The following FNIP2 variants were observed in gnomAD, a reference collection of about 807,000 sequenced individuals.
FNIP2 encodes folliculin interacting protein 2.
In FNIP2, 32 loss-of-function variants were observed where a neutral mutation model predicts 108.7. The ratio of observed to expected loss-of-function variants is 0.29; its 90% CI spans 0.22 to 0.40. The LOEUF is 0.40. FNIP2 is among the 10% of genes least tolerant of loss of function. FNIP2 has a pLI of 1.00. For synonymous variants in FNIP2, 480 were observed against 496.7 expected, an observed-to-expected ratio of 0.97 and a Z score of 0.45; for missense variants, 1,202 against 1,381.6, an observed-to-expected ratio of 0.87 and a Z score of 2.06.
chr4:158,853,942 C>A (rs546283615), intron 8 of FNIP2, among the ~76,000 whole-genome samples: 9 of 152,200 alleles, frequency 5.9e-5, no homozygotes, highest in Middle Eastern at 3.4e-3. Context: ...ATCACTGTGT[C>A]CTCAATTACA....
At chr4:158,887,803 A>G (rs1189486972) in intron 14 of FNIP2, among the ~76,000 whole-genome samples, 1 of 151,306 alleles carries the variant, frequency 6.6e-6, no homozygotes, top group Admixed American at 6.6e-5. Flanking sequence ...GTGTGCAGGT[A>G]TGTATTTCTG....
At chr4:158,865,739 A>G (rs1780540706) in intron 12 of FNIP2, among the ~76,000 whole-genome samples, 1 of 152,216 alleles carries the variant, frequency 6.6e-6, no homozygotes, top group Non-Finnish European at 1.5e-5. Context: ...CAAAGTGTTA[A>G]CAGTAATGAG....
chr4:158,769,289 G>A lies in FNIP2; in HGVS notation c.77G>A (p.Gly26Asp). ...AGCTCCGCGGCGGCGTCTGCCCAGGGCAGGGCTCCTAAGGAAGGACCCGCC... is the reference window on the plus strand; with the variant it reads ...AGCTCCGCGGCGGCGTCTGCCCAGGACAGGGCTCCTAAGGAAGGACCCGCC... ...SGSSAAASAQ[G>D]RAPKEGPAFS... The change falls in exon 1 of 17, where the codon GGC (glycine) becomes GAC (aspartate). Residue 26 changes from glycine to aspartate, a missense_variant. Gly to Asp is a moderately conservative substitution (Grantham distance 94). This residue lies in a region of FNIP2 where 173 missense variants were observed against 165.9 expected (regional missense o/e 1.04). Coordinates refer to ENST00000264433, the MANE Select transcript of FNIP2 (RefSeq NM_020840.3). 6.5e-7 allele frequency: 1 copy of A among 1,536,356 alleles called. No individual in the cohort carries two copies. The highest frequency in any genetic ancestry group is 8.7e-7 in the Non-Finnish European group (1 of 1,144,274).
chr4:158,870,414 G>A lies in FNIP2; in HGVS notation c.2894G>A (p.Gly965Asp), dbSNP rs769325638. Residue 965 changes from glycine to aspartate, a missense_variant, in exon 14 of 17, where the codon GGC (glycine) becomes GAC (aspartate). By Grantham distance (94) the Gly-to-Asp change is moderately conservative. Around this residue, in one of 5 missense-constraint regions of FNIP2, gnomAD observed 142 missense variants for 183.8 expected, o/e 0.77. Coordinates refer to ENST00000264433, the MANE Select transcript of FNIP2 (RefSeq NM_020840.3). Reference sequence around the variant, plus strand: ...CCTGATCTTGTGCTTCATGGGACCGGCAGTGATGAGAAGCTGAAGCAGTGC... The same window carrying A: ...CCTGATCTTGTGCTTCATGGGACCGACAGTGATGAGAAGCTGAAGCAGTGC... ...YMPDLVLHGT[G>D]SDEKLKQCLV... 5 of 1,614,006 alleles carry A rather than the reference G, an allele frequency of 3.1e-6. No homozygotes were observed. The South Asian group carries it at 4.4e-5, about 14-fold the overall frequency.
Position 158,800,712 on chromosome 4 carries a change from TGTTTTA to T in FNIP2, c.108-25197_108-25192del, listed in dbSNP as rs1168391133. 3.3e-5 allele frequency among the ~76,000 whole-genome samples: 5 copies of T among 152,352 alleles called. No homozygotes were observed. In the South Asian group the frequency reaches 8.3e-4, roughly 25 times the overall value. On this transcript the variant is annotated intron_variant, in intron 1 of 16. Transcript: ENST00000264433. The stretch of plus-strand genomic sequence containing the variant: ...TTGTTTTTCTATGCTTTCTTTTTTC[TGTTTTA>T]GTTTTATAAAACTTTTTCTACATTT...
chr4:158,805,795 T>G (rs986868019), intron 1 of FNIP2, among the ~76,000 whole-genome samples: 3 of 152,238 alleles, frequency 2.0e-5, no homozygotes, highest in African/African-American at 7.2e-5. Context: ...GAACAGGTCT[T>G]GTGACCAATT....
At chr4:158,784,702 A>C (rs944014555) in intron 1 of FNIP2, among the ~76,000 whole-genome samples, 12 of 152,078 alleles carry the variant, frequency 7.9e-5, no homozygotes, top group African/African-American at 2.9e-4. Context: ...TACTATGAGA[A>C]TCCAATGCCA....
chr4:158,882,168 G>C (rs1372662984), intron 14 of FNIP2, among the ~76,000 whole-genome samples: 4 of 151,432 alleles, frequency 2.6e-5, no homozygotes, highest in Non-Finnish European at 5.9e-5. Context: ...CATCTGAGAA[G>C]TGAGGAGCCC....
chr4:158,857,062 G>A (rs1344237565), intron 8 of FNIP2, among the ~76,000 whole-genome samples: 2 of 152,258 alleles, frequency 1.3e-5, no homozygotes, highest in East Asian at 3.9e-4. Context: ...TCAGCAGGTG[G>A]CACTCTCTCC....
At chr4:158,877,389 G>A (rs1560825050) in intron 14 of FNIP2, among the ~76,000 whole-genome samples, 3 of 152,114 alleles carry the variant, frequency 2.0e-5, no homozygotes, top group Non-Finnish European at 4.4e-5. Flanking sequence ...TACCTACAAG[G>A]ATCCCTTAGC....
At chr4:158,872,493 A>C in intron 14 of FNIP2, 1 of 985,472 alleles carries the variant, frequency 1.0e-6, no homozygotes, top group Non-Finnish European at 1.2e-6. Flanking sequence ...GAGAGATCGA[A>C]AGTTATTAAG....
At chr4:158,894,895 G>A (rs1235093771) in intron 15 of FNIP2, among the ~76,000 whole-genome samples, 2 of 152,116 alleles carry the variant, frequency 1.3e-5, no homozygotes, top group Non-Finnish European at 2.9e-5. Context: ...CAGCCCAGAT[G>A]GTCAAGATCA....
chr4:158,787,755 C>A (rs1212436652), intron 1 of FNIP2, among the ~76,000 whole-genome samples: 1 of 152,176 alleles, frequency 6.6e-6, no homozygotes, highest in African/African-American at 2.4e-5. Flanking sequence ...TTCTTTCTGG[C>A]ATTGAGGGAC....
At chr4:158,770,292 GTTTA>G (rs1374122033) in intron 1 of FNIP2, among the ~76,000 whole-genome samples, 1 of 152,170 alleles carries the variant, frequency 6.6e-6, no homozygotes, top group Non-Finnish European at 1.5e-5. Context: ...ATGTTGAGAA[GTTTA>G]TTTAACAATT....
intron 7 of FNIP2, among the ~76,000 whole-genome samples, chr4:158,836,939 C>G (rs929660561): frequency 5.3e-5 from 8 of 150,896 alleles, no homozygotes; most frequent in Non-Finnish European, 8.9e-5. Flanking sequence ...AACTGTTTTG[C>G]TTTTGTTTCT....
chr4:158,893,597 G>A (rs1782427277), intron 15 of FNIP2: 1 of 1,010,942 alleles, frequency 9.9e-7, no homozygotes, highest in Non-Finnish European at 1.5e-6. Context: ...ATCTGTCCTG[G>A]GGCAATATGA....
intron 14 of FNIP2, among the ~76,000 whole-genome samples, chr4:158,870,691 G>A (rs1190175754): frequency 6.6e-6 from 1 of 152,238 alleles, no homozygotes; most frequent in Non-Finnish European, 1.5e-5. Flanking sequence ...GGGAGGGTGC[G>A]TGACATCAGA....
chr4:158,835,223 CTCTTT>C (rs1434792752), intron 6 of FNIP2, 177 bp from the exon 7 acceptor site: 1 of 325,484 alleles, frequency 3.1e-6, no homozygotes, highest in Non-Finnish European at 5.8e-6. Flanking sequence ...TTACTTGGTT[CTCTTT>C]TCTTCTCATC....
intron 9 of FNIP2, 75 bp downstream of exon 9, chr4:158,859,333 A>T (rs189701348): frequency 7.0e-7 from 1 of 1,430,450 alleles, no homozygotes; most frequent in Admixed American, 2.1e-5. Flanking sequence ...TTCTTTGCCG[A>T]TGTATCAGAT....
Sources: gnomAD v4.1 joint callset for allele counts (sites outside exome capture counted in the v4.1 genomes callset) on GRCh38, gnomAD v4.1.1 for gene constraint, gnomAD v4.1.1 regional missense constraint, MANE v1.5 for transcripts, NCBI Gene and HGNC (gene_info 2026-07-23, HGNC 2026-07-21) for gene names.